Variants in PCDHGB5 observed in about 807,000 individuals in gnomAD.
PCDHGB5 encodes protocadherin gamma subfamily B, 5.
PCDHGB5 carries 48 observed loss-of-function variants against 62.9 expected under a neutral mutation model. The ratio of observed to expected loss-of-function variants is 0.76; its 90% CI spans 0.61 to 0.97. The LOEUF (loss-of-function observed/expected upper bound fraction) is 0.97, where lower values mean the gene tolerates loss of function less well. PCDHGB5 is among the 50% of genes least tolerant of loss of function. PCDHGB5 has a pLI of 0.00. For synonymous variants in PCDHGB5, 474 were observed against 511.2 expected (o/e 0.93, Z 0.98); for missense variants, 1,118 against 1,198.6 (o/e 0.93, Z 0.99).
chr5:141,418,669 C>G, intron 1 of PCDHGB5: 1 of 1,614,018 alleles, frequency 6.2e-7, no homozygotes, highest in Non-Finnish European at 8.5e-7. Flanking sequence ...CTGACCAGGA[C>G]GAGGGCATCA....
At chr5:141,508,383 T>C (rs1169318572) in intron 3 of PCDHGB5, 1 of 152,236 alleles carries the variant, frequency 6.6e-6, no homozygotes, top group Non-Finnish European at 1.5e-5. Flanking sequence ...CTCAGATTTA[T>C]AGATGGGAAA....
intron 1 of PCDHGB5, among the ~76,000 whole-genome samples, chr5:141,465,368 A>C (rs940928815): frequency 1.3e-5 from 2 of 152,114 alleles, no homozygotes; most frequent in Admixed American, 6.6e-5. Flanking sequence ...TGCCCTTTAA[A>C]GTTGTAAGAT....
At position 141,450,006 on chromosome 5, in the gene PCDHGB5, C is replaced by CTATTTTTTTTTTT. The variant is rs70988802; in HGVS notation, c.2398-44800_2398-44799insATTTTTTTTTTTT. Among the ~76,000 whole-genome samples, 4 of 132,982 alleles carry CTATTTTTTTTTTT rather than the reference C, an allele frequency of 3.0e-5. 1 individual carries two copies. The highest frequency in any genetic ancestry group is 5.6e-5 in the African/African-American group (2 of 35,576). 87.2% of individuals were successfully genotyped at this position (132,982 alleles called of 152,430 possible). A position where few individuals can be genotyped will look rare whatever the true frequency, so the allele number is the denominator to read the frequency against. Reference sequence around the variant, plus strand: ...CACATTGCATTTAGTTGCCATGTCTCTTTTTTTTTTTTTTTTTTGAGACAG... The same window carrying CTATTTTTTTTTTT: ...CACATTGCATTTAGTTGCCATGTCTCTATTTTTTTTTTTTTTTTTTTTTTTTTTTTTGAGACAG... On this transcript the variant is annotated intron_variant, in intron 1 of 3. Transcript: ENST00000617380.
chr5:141,509,843 C>T (rs1596253565), intron 3 of PCDHGB5, among the ~76,000 whole-genome samples: 1 of 152,178 alleles, frequency 6.6e-6, no homozygotes, highest in African/African-American at 2.4e-5. Context: ...CTCCCATTCA[C>T]TCAGAACAGG....
chr5:141,448,763 A>AC (rs1372638258), intron 1 of PCDHGB5, among the ~76,000 whole-genome samples: 11 of 151,572 alleles, frequency 7.3e-5, no homozygotes, highest in Admixed American at 5.3e-4. Flanking sequence ...ACACGGTGAA[A>AC]CCCCGTCTGT....
At chr5:141,421,119 C>A (rs542039688) in intron 1 of PCDHGB5, 2 of 772,768 alleles carry the variant, frequency 2.6e-6, no homozygotes, top group South Asian at 1.9e-5. Flanking sequence ...TATTTTCCTT[C>A]GCTTTCTGAT....
chr5:141,415,102 A>G, intron 1 of PCDHGB5: 2 of 1,613,550 alleles, frequency 1.2e-6, no homozygotes, highest in Non-Finnish European at 8.5e-7. Flanking sequence ...AGACGCGCTC[A>G]AGCAAAGCCT....
chr5:141,431,227 C>A lies in PCDHGB5; in HGVS notation c.2397+30703C>A, dbSNP rs759752051. On this transcript the variant is annotated intron_variant, in intron 1 of 3. Transcript: ENST00000617380. This position sits in a 1 kb window ranked among gnomAD's most constrained non-coding sequence, Gnocchi z 4.8. Reference sequence around the variant, plus strand: ...CTGAGATGCGGTTCCCTCTACCCCACGCCTGGGATCCGGATATCGGGAAGA... The same window carrying A: ...CTGAGATGCGGTTCCCTCTACCCCAAGCCTGGGATCCGGATATCGGGAAGA... 6.2e-7 allele frequency: 1 copy of A among 1,614,180 alleles called. No homozygotes were observed. The highest frequency in any genetic ancestry group is 8.5e-7 in the Non-Finnish European group (1 of 1,180,042).
intron 2 of PCDHGB5, among the ~76,000 whole-genome samples, chr5:141,503,456 A>G (rs920770738): frequency 1.3e-5 from 2 of 152,058 alleles, no homozygotes; most frequent in African/African-American, 4.8e-5. Context: ...TTCGCTGGGC[A>G]TGGTGGCATG....
rs780268305 is a variant in PCDHGB5, at chr5:141,410,637, T to G, written c.2397+10113T>G. 1.9e-6 allele frequency: 3 copies of G among 1,599,938 alleles called. No homozygotes were observed. In the South Asian group the frequency reaches 3.3e-5, roughly 18 times the overall value. ...CTGACTTCGGTGAGTTTCTCTTTTT[T>G]GTGTGTGATTTATCTAATAGTCTAC... On this transcript the variant is annotated intron_variant, in intron 1 of 3. Transcript: ENST00000617380.
chr5:141,419,659 C>T (rs930108720), intron 1 of PCDHGB5: 2 of 1,612,608 alleles, frequency 1.2e-6, no homozygotes, highest in East Asian at 4.5e-5. Flanking sequence ...ACTCGGGGCA[C>T]AATGCCTGGC....
rs761347005 is a variant in PCDHGB5, at chr5:141,417,873, G to A, written c.2397+17349G>A. On this transcript the variant is annotated intron_variant, in intron 1 of 3. Coordinates refer to ENST00000617380, the MANE Select transcript of PCDHGB5 (RefSeq NM_018925.3). The stretch of plus-strand genomic sequence containing the variant: ...CCCGAGCGAACGATGGGAGGGAGCT[G>A]CGCGCAGAGGCGCCGGGCCGGCCCG... 4.2e-5 allele frequency: 65 copies of A among 1,555,230 alleles called. 2 individuals are homozygous for A. The Middle Eastern group carries it at 6.4e-3, about 152-fold the overall frequency.
chr5:141,409,023 A>G, intron 1 of PCDHGB5: 4 of 1,614,044 alleles, frequency 2.5e-6, no homozygotes, highest in Non-Finnish European at 3.4e-6. Flanking sequence ...GAGGGGGTCA[A>G]TGCTGAGATA....
At chr5:141,427,495 C>A in intron 1 of PCDHGB5, 2 of 562,648 alleles carry the variant, frequency 3.6e-6, no homozygotes, top group South Asian at 1.5e-5. Flanking sequence ...AAGCTTGTAA[C>A]AGATGGGACC....
In PCDHGB5 at chr5:141,490,601, T is replaced by C. The variant is rs777393370; in HGVS notation, c.2398-4206T>C. 1 of 1,614,176 alleles carries C rather than the reference T, an allele frequency of 6.2e-7. No homozygotes were observed. The highest frequency in any genetic ancestry group is 8.5e-7 in the Non-Finnish European group (1 of 1,180,030). ...GATGTCAATGACAATGCACCCCGCTTCAACCAGCAGCTTTACACTGCTTAC... is the reference window on the plus strand; with the variant it reads ...GATGTCAATGACAATGCACCCCGCTCCAACCAGCAGCTTTACACTGCTTAC... On this transcript the variant is annotated intron_variant, in intron 1 of 3. Transcript: ENST00000617380. This position sits in a 1 kb window ranked among gnomAD's most constrained non-coding sequence, Gnocchi z 5.4.
At chr5:141,425,258 G>T (rs965944291) in intron 1 of PCDHGB5, among the ~76,000 whole-genome samples, 2 of 152,134 alleles carry the variant, frequency 1.3e-5, no homozygotes, top group Non-Finnish European at 2.9e-5. Context: ...GAGGTATTTG[G>T]CTGGGAAAAG....
At position 141,477,742 on chromosome 5, in the gene PCDHGB5, G is replaced by C; in HGVS notation, c.2398-17065G>C. 2 of 1,613,800 alleles carry C rather than the reference G, an allele frequency of 1.2e-6. No individual in the cohort carries two copies. Among genetic ancestry groups the C allele is most frequent in the Non-Finnish European group, 1.7e-6 (2 of 1,180,030 alleles). ...AATTAACAGCTCATATCAGCGATGG[G>C]GGCACCCCGGTCCTAGCCACCAACA... On this transcript the variant is annotated intron_variant, in intron 1 of 3. Coordinates refer to ENST00000617380, the MANE Select transcript of PCDHGB5 (RefSeq NM_018925.3). The surrounding 1 kb of genome is among the most constrained non-coding windows in gnomAD (Gnocchi z 4.9).
chr5:141,408,842 G>A, intron 1 of PCDHGB5: 1 of 1,613,598 alleles, frequency 6.2e-7, no homozygotes, highest in African/African-American at 1.3e-5. Flanking sequence ...GATATTGACT[G>A]CCTTGGACGG....
Position 141,511,015 on chromosome 5 carries a change from C to A in PCDHGB5, c.2614C>A (p.Pro872Thr). Residue 872 changes from proline (P) to threonine (T), a missense_variant, in exon 4 of 4, where the codon CCC becomes ACC. This residue lies in a region of PCDHGB5 where 1,034 missense variants were observed against 1,029.1 expected (regional missense o/e 1.00). Coordinates refer to ENST00000617380, the MANE Select transcript of PCDHGB5 (RefSeq NM_018925.3). ...GTMGLSARYG[P>T]QFTLQHVPDY... ...CATGGGATTGAGCGCCCGCTACGGA[C>A]CCCAGTTCACCCTGCAGCACGTGCC... 6.2e-7 allele frequency: 1 copy of A among 1,614,224 alleles called. No individual in the cohort carries two copies. The highest frequency in any genetic ancestry group is 8.5e-7 in the Non-Finnish European group (1 of 1,180,038).
Sources: gnomAD v4.1 joint callset for allele counts (sites outside exome capture counted in the v4.1 genomes callset) on GRCh38, gnomAD v4.1.1 for gene constraint, gnomAD v4.1.1 regional missense constraint, Gnocchi (gnomAD v3.1) non-coding constraint, MANE v1.5 for transcripts, NCBI Gene and HGNC (gene_info 2026-07-23, HGNC 2026-07-21) for gene names.